The following TACC2 variants were observed in gnomAD, a reference collection of about 807,000 sequenced individuals.
The protein encoded by TACC2 is transforming acidic coiled-coil-containing protein 2.
TACC2 carries 137 observed loss-of-function variants against 227.3 expected under a neutral mutation model. The observed-to-expected ratio is 0.60, with a 90% confidence interval of 0.52 to 0.69. TACC2 has a LOEUF of 0.69. Among genes scored for constraint, TACC2 ranks in the 30% least tolerant of loss-of-function variants. The probability of loss-of-function intolerance (pLI) is 0.00; values close to 1 mark genes in which losing one functional copy is unlikely to be tolerated. For synonymous variants in TACC2, 1,523 were observed against 1,487.5 expected, an observed-to-expected ratio of 1.02 and a Z score of -0.55; for missense variants, 3,470 against 3,694.4, an observed-to-expected ratio of 0.94 and a Z score of 1.57.
chr10:122,175,738 C>T (rs1165778680), intron 7 of TACC2, among the ~76,000 whole-genome samples: 7 of 152,286 alleles, frequency 4.6e-5, no homozygotes, highest in African/African-American at 7.2e-5. Context: ...AATATCTTCT[C>T]ACTATCCAGA....
chr10:121,999,077 C>T (rs1445556921), intron 1 of TACC2, among the ~76,000 whole-genome samples: 7 of 150,700 alleles, frequency 4.6e-5, no homozygotes, highest in Admixed American at 2.7e-4. Context: ...GGCATGATCT[C>T]GGCTCACTGC....
intron 5 of TACC2, among the ~76,000 whole-genome samples, chr10:122,129,204 CCA>C (rs1467719845): frequency 6.6e-6 from 1 of 151,846 alleles, no homozygotes; most frequent in Non-Finnish European, 1.5e-5. Flanking sequence ...CCTCAGGTGC[CCA>C]CTACCACACC....
intron 2 of TACC2, among the ~76,000 whole-genome samples, chr10:122,026,313 CAA>C (rs71022883): frequency 0.095 from 6,736 of 70,922 alleles, 138 homozygotes; most frequent in East Asian, 0.19. Context: ...GACTCTGTCT[CAA>C]AAAAAAAAAA....
At chr10:122,001,096 T>A (rs1954262855) in intron 1 of TACC2, among the ~76,000 whole-genome samples, 1 of 152,276 alleles carries the variant, frequency 6.6e-6, no homozygotes, top group African/African-American at 2.4e-5. Context: ...GTGCTGGGAT[T>A]ACAGGCGTGA....
intron 5 of TACC2, among the ~76,000 whole-genome samples, chr10:122,126,381 C>T (rs2901302): frequency 0.61 from 91,195 of 149,888 alleles, 32,201 homozygotes; most frequent in Non-Finnish European, 0.77. Flanking sequence ...TTGACAGTGG[C>T]AGCCCCTTTT....
chr10:122,209,149 C>T lies in TACC2; in HGVS notation c.5972-1248C>T, dbSNP rs2095224025. ...AGGTAGAAAAGCTGAGAGGAGGCAG[C>T]TGGGAGAGCAGTGAGACTAGGCAAG... On this transcript the variant is annotated intron_variant, in intron 8 of 22. Transcript: ENST00000369005. This position sits in a 1 kb window ranked among gnomAD's most constrained non-coding sequence, Gnocchi z 4.5. Among the ~76,000 whole-genome samples, 1 of 152,212 alleles carries T rather than the reference C, an allele frequency of 6.6e-6. No homozygotes were observed. Among genetic ancestry groups the T allele is most frequent in the Non-Finnish European group, 1.5e-5 (1 of 68,040 alleles).
rs190485011 is a variant in TACC2, at chr10:121,992,850, G to C, written c.-46+3362G>C. ...GGCACCTGTAGTCCCAGCTACTCCA[G>C]AGGCTGAGGCAGGAGAATTGCTAGA... On this transcript the variant is annotated intron_variant, in intron 1 of 22. Coordinates refer to ENST00000369005, the MANE Select transcript of TACC2 (RefSeq NM_206862.4). Among the ~76,000 whole-genome samples, 1,096 of 152,106 alleles carry C rather than the reference G, an allele frequency of 7.2e-3. 8 individuals carry two copies. Among genetic ancestry groups the C allele is most frequent in the African/African-American group, 0.026 (1,063 of 41,492 alleles).
chr10:122,106,605 G>C (rs984327123), intron 5 of TACC2, among the ~76,000 whole-genome samples: 1 of 152,210 alleles, frequency 6.6e-6, no homozygotes, highest in South Asian at 2.1e-4. Context: ...TTTGCCTTTT[G>C]TATTCTGCAG....
At chr10:122,200,612 C>T (rs12411879) in intron 8 of TACC2, among the ~76,000 whole-genome samples, 39,875 of 137,488 alleles carry the variant, frequency 0.29, 3,528 homozygotes, top group Non-Finnish European at 0.37. Flanking sequence ...GCCACATCTA[C>T]AGTGAGAGGA....
chr10:122,045,709 T>TG, intron 2 of TACC2, among the ~76,000 whole-genome samples: 1 of 152,306 alleles, frequency 6.6e-6, no homozygotes, highest in South Asian at 2.1e-4. Flanking sequence ...AAAACATGAT[T>TG]TTACCTGCCT....
chr10:122,004,155 T>C (rs1024034930), intron 1 of TACC2, among the ~76,000 whole-genome samples: 6 of 151,972 alleles, frequency 3.9e-5, no homozygotes, highest in Non-Finnish European at 7.4e-5. Flanking sequence ...TCCAGCACTT[T>C]GGGAGGCCGA....
At chr10:122,016,671 A>C (rs1956686828) in intron 1 of TACC2, among the ~76,000 whole-genome samples, 1 of 151,948 alleles carries the variant, frequency 6.6e-6, no homozygotes, top group Non-Finnish European at 1.5e-5. Context: ...CATTCTGAGC[A>C]CTGTGGGGTG....
At chr10:122,029,628 G>A (rs1314889887) in intron 2 of TACC2, among the ~76,000 whole-genome samples, 2 of 152,154 alleles carry the variant, frequency 1.3e-5, no homozygotes, top group Non-Finnish European at 2.9e-5. Context: ...TGGGCCAAAC[G>A]AATGTGCCTG....
In TACC2 at chr10:122,205,992, G is replaced by C. The variant is rs111311425; in HGVS notation, c.5972-4405G>C. On this transcript the variant is annotated intron_variant, in intron 8 of 22. Transcript: ENST00000369005. This position sits in a 1 kb window ranked among gnomAD's most constrained non-coding sequence, Gnocchi z 4.5. The stretch of plus-strand genomic sequence containing the variant: ...TCTCTGTGTAGGAGACCATCTACCC[G>C]TGATGCGGCAGCTTAAGAGAAGAGT... Among the ~76,000 whole-genome samples, 897 of 152,286 alleles carry C rather than the reference G, an allele frequency of 5.9e-3. 2 individuals are homozygous for C. Among genetic ancestry groups the C allele is most frequent in the Middle Eastern group, 0.014 (4 of 294 alleles).
chr10:122,084,841 C>G lies in TACC2; in HGVS notation c.2341C>G (p.Pro781Ala), dbSNP rs762964320. 1 of 1,613,680 alleles carries G rather than the reference C, an allele frequency of 6.2e-7. No homozygotes were observed. Among genetic ancestry groups the G allele is most frequent in the Non-Finnish European group, 8.5e-7 (1 of 1,179,942 alleles). The change falls in exon 4 of 23, where the codon CCC becomes GCC. Residue 781 changes from proline (P) to alanine (A), a missense_variant. Coordinates refer to ENST00000369005, the MANE Select transcript of TACC2 (RefSeq NM_206862.4). ...RQEFHAGVPH[P>A]PQGENLAADL... Reference sequence around the variant, plus strand: ...GGAATTTCATGCTGGGGTGCCACATCCCCCCCAGGGGGAGAACTTGGCAGC... The same window carrying G: ...GGAATTTCATGCTGGGGTGCCACATGCCCCCCAGGGGGAGAACTTGGCAGC...
At chr10:122,090,572 A>T (rs977938055) in intron 5 of TACC2, among the ~76,000 whole-genome samples, 11 of 150,716 alleles carry the variant, frequency 7.3e-5, no homozygotes, top group Non-Finnish European at 1.2e-4. Flanking sequence ...AGAAAAAAAA[A>T]AAAGAAAGAA....
Position 122,211,265 on chromosome 10 carries a change from G to C in TACC2, c.6840G>C (p.Gln2280His). The C allele has an allele frequency of 6.2e-7, 1 of 1,614,042 alleles. No homozygotes were observed. Among genetic ancestry groups the C allele is most frequent in the Non-Finnish European group, 8.5e-7 (1 of 1,180,000 alleles). Residue 2280 changes from glutamine (Q) to histidine (H), a missense_variant, in exon 9 of 23, where the codon CAG (glutamine) becomes CAC (histidine). Physicochemically the swap from Gln to His is conservative, Grantham distance 24. Around this residue, in one of 10 missense-constraint regions of TACC2, gnomAD observed 593 missense variants for 636.6 expected, o/e 0.93. Transcript: ENST00000369005. ...ACAAGAGTAGTTGGGACAACCAGCAGGAAAACCCCCCTCCTACCAAAAAGA... is the reference window on the plus strand; with the variant it reads ...ACAAGAGTAGTTGGGACAACCAGCACGAAAACCCCCCTCCTACCAAAAAGA... ...SEDKSSWDNQ[Q>H]ENPPPTKKIG...
chr10:122,069,163 C>A (rs928978284), intron 3 of TACC2, among the ~76,000 whole-genome samples: 1 of 145,594 alleles, frequency 6.9e-6, no homozygotes, highest in Non-Finnish European at 1.5e-5. Context: ...CCACCTGGAA[C>A]CCCCTTCTCT....
At chr10:122,042,430 A>G (rs930962921) in intron 2 of TACC2, among the ~76,000 whole-genome samples, 14 of 151,892 alleles carry the variant, frequency 9.2e-5, no homozygotes, top group African/African-American at 2.9e-4. Context: ...TTTAGTAGAG[A>G]TGGGGTTTCA....
Sources: allele counts gnomAD v4.1 joint callset (sites outside exome capture counted in the v4.1 genomes callset), GRCh38; gene constraint gnomAD v4.1.1; regional missense constraint gnomAD v4.1.1; non-coding constraint Gnocchi (gnomAD v3.1); transcripts MANE v1.5; gene names NCBI Gene and HGNC (gene_info 2026-07-23, HGNC 2026-07-21).